Variants in GNAO1 observed in about 807,000 individuals in gnomAD.
GNAO1 encodes G protein subunit alpha o1, also known as guanine nucleotide-binding protein G(o) subunit alpha.
For synonymous variants in GNAO1, 164 were observed against 180.7 expected (o/e 0.91, Z 0.74); for missense variants, 166 against 478.7 (o/e 0.35, Z 6.10).
intron 2 of GNAO1, among the ~76,000 whole-genome samples, chr16:56,212,297 C>CT (rs1458506431): frequency 1.3e-5 from 2 of 152,198 alleles, no homozygotes; most frequent in Non-Finnish European, 2.9e-5. Context: ...CCAACTCGTC[C>CT]TTTTTTATTA....
At chr16:56,268,891 C>T (rs1008874718) in intron 2 of GNAO1, among the ~76,000 whole-genome samples, 1 of 152,210 alleles carries the variant, frequency 6.6e-6, no homozygotes, top group East Asian at 1.9e-4. Flanking sequence ...TCTTCCCTCA[C>T]TGACATCTGA....
intron 2 of GNAO1, among the ~76,000 whole-genome samples, chr16:56,242,859 ACT>A (rs1567452046): frequency 6.6e-6 from 1 of 152,206 alleles, no homozygotes. Flanking sequence ...TGGGCCACAG[ACT>A]GGTGGGAACC....
chr16:56,220,805 T>C (rs924607090), intron 2 of GNAO1, among the ~76,000 whole-genome samples: 5 of 152,128 alleles, frequency 3.3e-5, no homozygotes, highest in Non-Finnish European at 5.9e-5. Flanking sequence ...TGGAGTGCAG[T>C]GGCACAATCT....
intron 3 of GNAO1, 39 bp downstream of exon 3, chr16:56,276,111 C>T: frequency 6.3e-7 from 1 of 1,581,800 alleles, no homozygotes; most frequent in South Asian, 1.1e-5. Flanking sequence ...ACAAGAGGTT[C>T]TGTCTGTGTT....
At chr16:56,261,801 AC>A (rs1391955786) in intron 2 of GNAO1, among the ~76,000 whole-genome samples, 1 of 151,954 alleles carries the variant, frequency 6.6e-6, no homozygotes, top group Non-Finnish European at 1.5e-5. Flanking sequence ...GTAACCAGGC[AC>A]CCCCTTTCAG....
intron 3 of GNAO1, among the ~76,000 whole-genome samples, chr16:56,318,338 C>G (rs774244057): frequency 2.0e-5 from 3 of 152,248 alleles, no homozygotes; most frequent in African/African-American, 2.4e-5. Flanking sequence ...CTGGGCCCCC[C>G]CAGCGGCTGG....
At chr16:56,204,674 G>A (rs1482177789) in intron 2 of GNAO1, among the ~76,000 whole-genome samples, 2 of 152,228 alleles carry the variant, frequency 1.3e-5, no homozygotes, top group Non-Finnish European at 2.9e-5. Context: ...AAAGACCATT[G>A]TATTTGAAGC....
intron 6 of GNAO1, chr16:56,344,035 A>G: frequency 6.4e-7 from 1 of 1,554,198 alleles, no homozygotes; most frequent in Non-Finnish European, 8.7e-7. Flanking sequence ...CTCTCAGACC[A>G]CTCTTTGCAC....
In GNAO1 at chr16:56,326,672, G is replaced by C. The variant is rs1045912879; in HGVS notation, c.304-1959G>C. ...GCCTCCCTGGGAGGGCAAGGAAGCCGGGTTATTTGCCCATTCCTGTCTGTC... is the reference window on the plus strand; with the variant it reads ...GCCTCCCTGGGAGGGCAAGGAAGCCCGGTTATTTGCCCATTCCTGTCTGTC... On this transcript the variant is annotated intron_variant, in intron 3 of 8. Transcript: ENST00000262493. This position sits in a 1 kb window ranked among gnomAD's most constrained non-coding sequence, Gnocchi z 4.8. Among the ~76,000 whole-genome samples the C allele has an allele frequency of 6.6e-6, 1 of 152,182 alleles. No homozygotes were observed. The highest frequency in any genetic ancestry group is 1.5e-5 in the Non-Finnish European group (1 of 68,014).
At chr16:56,252,092 A>G (rs2036805136) in intron 2 of GNAO1, among the ~76,000 whole-genome samples, 1 of 152,160 alleles carries the variant, frequency 6.6e-6, no homozygotes, top group Admixed American at 6.5e-5. Flanking sequence ...GGGCCACACC[A>G]AGGAAGGTAG....
At chr16:56,347,996 G>A in intron 6 of GNAO1, 4 of 979,884 alleles carry the variant, frequency 4.1e-6, no homozygotes, top group Non-Finnish European at 4.8e-6. Flanking sequence ...GGGCGTCCCA[G>A]GCCCTCCTTA....
At chr16:56,192,685 G>A in intron 2 of GNAO1, 69 bp downstream of exon 2, 3 of 920,822 alleles carry the variant, frequency 3.3e-6, no homozygotes, top group Admixed American at 3.4e-5. Context: ...TTATTACATT[G>A]CTTACTCCAC....
At chr16:56,291,980 G>A (rs1426680440) in intron 3 of GNAO1, among the ~76,000 whole-genome samples, 4 of 152,150 alleles carry the variant, frequency 2.6e-5, no homozygotes, top group Non-Finnish European at 4.4e-5. Context: ...TTGAGCACGC[G>A]AATTGTGGAC....
At chr16:56,238,098 C>T (rs1435069089) in intron 2 of GNAO1, among the ~76,000 whole-genome samples, 1 of 152,058 alleles carries the variant, frequency 6.6e-6, no homozygotes, top group Non-Finnish European at 1.5e-5. Flanking sequence ...GGTCCCATCA[C>T]AGATCCCCCC....
intron 2 of GNAO1, among the ~76,000 whole-genome samples, chr16:56,205,805 T>C (rs2036322123): frequency 2.0e-5 from 3 of 152,130 alleles, no homozygotes; most frequent in Admixed American, 2.0e-4. Flanking sequence ...CAGGAATAAT[T>C]GAAGGCAAAG....
At chr16:56,198,046 G>GA (rs780454219) in intron 2 of GNAO1, among the ~76,000 whole-genome samples, 5 of 151,564 alleles carry the variant, frequency 3.3e-5, no homozygotes, top group South Asian at 2.1e-4. Context: ...ATTCCAAACT[G>GA]AAAAAAACAA....
rs185300714 is a variant in GNAO1, at chr16:56,237,718, C to T, written c.162-38213C>T. Reference sequence around the variant, plus strand: ...CTTCAGCTCCAACAAAACCATGAATCATTTCATAACTTCTGAAATTGCAAA... The same window carrying T: ...CTTCAGCTCCAACAAAACCATGAATTATTTCATAACTTCTGAAATTGCAAA... On this transcript the variant is annotated intron_variant, in intron 2 of 8. Coordinates refer to ENST00000262493, the MANE Select transcript of GNAO1 (RefSeq NM_020988.3). 2.8e-4 allele frequency among the ~76,000 whole-genome samples: 42 copies of T among 152,208 alleles called. 1 individual carries two copies. The highest frequency in any genetic ancestry group is 2.9e-5 in the Non-Finnish European group (2 of 68,022).
intron 2 of GNAO1, among the ~76,000 whole-genome samples, chr16:56,255,163 G>T (rs2143466050): frequency 6.6e-6 from 1 of 152,264 alleles, no homozygotes; most frequent in East Asian, 1.9e-4. Flanking sequence ...TCCTTCTTTA[G>T]CAGTTCCATT....
chr16:56,352,396 GTCCC>G (rs1360907349), intron 7 of GNAO1: 2 of 152,454 alleles, frequency 1.3e-5, no homozygotes, highest in Admixed American at 6.5e-5. Flanking sequence ...CCCAGCCCTG[GTCCC>G]TCTAGGGGCT....
Sources: gnomAD v4.1 joint callset for allele counts (sites outside exome capture counted in the v4.1 genomes callset) on GRCh38, gnomAD v4.1.1 for gene constraint, Gnocchi (gnomAD v3.1) non-coding constraint, MANE v1.5 for transcripts, NCBI Gene and HGNC (gene_info 2026-07-23, HGNC 2026-07-21) for gene names.